CRYBG1: variants seen among roughly 807,000 people sequenced by gnomAD.
The protein encoded by CRYBG1 is crystallin beta-gamma domain containing 1.
CRYBG1 carries 139 observed loss-of-function variants against 189.2 expected under a neutral mutation model. The ratio of observed to expected loss-of-function variants is 0.73; its 90% CI spans 0.64 to 0.85. CRYBG1 has a LOEUF of 0.85. Ranked by LOEUF, CRYBG1 falls within the 40% of genes least tolerant of loss-of-function variation. The pLI is 0.00. For synonymous variants in CRYBG1, 1,023 were observed against 1,017.1 expected, an observed-to-expected ratio of 1.01 and a Z score of -0.11; for missense variants, 2,611 against 2,675.8, an observed-to-expected ratio of 0.98 and a Z score of 0.53.
At position 106,568,683 on chromosome 6, in the gene CRYBG1, A is replaced by G; in HGVS notation, c.*117A>G. On this transcript the variant is annotated 3_prime_UTR_variant, in exon 22 of 22. Transcript: ENST00000633556. ...GATCGACTCCTCCTTCATTGATTCT[A>G]AATTCAACCTTAAATCATGCTGCCA... 2.9e-6 allele frequency: 2 copies of G among 692,338 alleles called. No homozygotes were observed. The highest frequency in any genetic ancestry group is 5.0e-6 in the Non-Finnish European group (2 of 401,632). 42.9% of individuals were successfully genotyped at this position (692,338 alleles called of 1,614,324 possible). A position where few individuals can be genotyped will look rare whatever the true frequency, so the allele number is the denominator to read the frequency against.
chr6:106,541,616 C>T lies in CRYBG1; in HGVS notation c.4876C>T (p.Pro1626Ser). 1.9e-6 allele frequency: 3 copies of T among 1,604,800 alleles called. No homozygotes were observed. In the East Asian group the frequency reaches 6.7e-5, roughly 36 times the overall value. Residue 1626 changes from proline to serine, a missense_variant, in exon 10 of 22, where the codon CCA (proline) becomes TCA (serine). Pro to Ser is a moderately conservative substitution (Grantham distance 74). Coordinates refer to ENST00000633556, the MANE Select transcript of CRYBG1 (RefSeq NM_001371242.2). Reference protein sequence around the residue: ...GGRKVEFPTDPKVVVYEKPFF... With the variant: ...GGRKVEFPTDSKVVVYEKPFF... ...CCGTAAAGTTGAATTCCCTACAGAT[C>T]CAAAGGTAAAAATATATATGTATTT...
chr6:106,509,504 C>T (rs899295423), intron 2 of CRYBG1, among the ~76,000 whole-genome samples: 1 of 152,198 alleles, frequency 6.6e-6, no homozygotes, highest in African/African-American at 2.4e-5. Context: ...TACAAGAGCT[C>T]CGAGCGGCTG....
intron 4 of CRYBG1, among the ~76,000 whole-genome samples, chr6:106,522,401 G>A (rs1036640809): frequency 6.6e-6 from 1 of 152,136 alleles, no homozygotes. Context: ...GGTTTTCATT[G>A]GATCTTTTCT....
chr6:106,425,187 A>G (rs1771203021), intron 1 of CRYBG1, among the ~76,000 whole-genome samples: 1 of 152,122 alleles, frequency 6.6e-6, no homozygotes, highest in Non-Finnish European at 1.5e-5. Flanking sequence ...CATCTTTGCT[A>G]CATTCTAGTC....
At chr6:106,514,998 G>A (rs527530735) in intron 3 of CRYBG1, among the ~76,000 whole-genome samples, 15 of 152,084 alleles carry the variant, frequency 9.9e-5, no homozygotes, top group South Asian at 2.1e-4. Flanking sequence ...TCCTATGACC[G>A]TATCGCAAGA....
intron 1 of CRYBG1, 103 bp from the exon 2 acceptor site, chr6:106,451,591 G>A (rs1304775726): frequency 4.3e-6 from 5 of 1,154,256 alleles, no homozygotes; most frequent in Non-Finnish European, 5.8e-6. Flanking sequence ...TATTTGGGCT[G>A]ACTGGAAATA....
At position 106,520,845 on chromosome 6, in the gene CRYBG1, C is replaced by G. The variant is rs148858033; in HGVS notation, c.3637C>G (p.Pro1213Ala). The G allele has an allele frequency of 1.9e-6, 3 of 1,614,002 alleles. No individual in the cohort carries two copies. Among genetic ancestry groups the G allele is most frequent in the Non-Finnish European group, 2.5e-6 (3 of 1,180,018 alleles). ...CACCAACACTAATGGGAACAGTGAG[C>G]CTCTGGTGATGCCGGAAATCAATGA... ...LHTNTNGNSE[P>A]LVMPEINDKE... The change falls in exon 4 of 22, where the codon CCT (proline) becomes GCT (alanine). Residue 1213 changes from proline to alanine, a missense_variant. Around this residue, in one of 3 missense-constraint regions of CRYBG1, gnomAD observed 1,622 missense variants for 1,735.0 expected, o/e 0.93. Coordinates refer to ENST00000633556, the MANE Select transcript of CRYBG1 (RefSeq NM_001371242.2).
chr6:106,521,638 A>G (rs1296706698), intron 4 of CRYBG1, among the ~76,000 whole-genome samples, 185 bp downstream of exon 4: 1 of 151,614 alleles, frequency 6.6e-6, no homozygotes, highest in African/African-American at 2.4e-5. Flanking sequence ...AAAAAAATGT[A>G]CTAAGAGTCT....
chr6:106,531,308 A>C (rs1373590179), intron 8 of CRYBG1, among the ~76,000 whole-genome samples: 2 of 152,250 alleles, frequency 1.3e-5, no homozygotes, highest in African/African-American at 4.8e-5. Flanking sequence ...GAGAAACTAA[A>C]AACTTCTAGG....
intron 2 of CRYBG1, among the ~76,000 whole-genome samples, chr6:106,459,544 G>A (rs1249144922): frequency 7.6e-6 from 1 of 131,738 alleles, no homozygotes; most frequent in Non-Finnish European, 1.6e-5. Flanking sequence ...TCCATTTGTG[G>A]GTTTTTTTTT....
Position 106,560,912 on chromosome 6 carries a change from C to A in CRYBG1, c.5965C>A (p.Arg1989=). 4 of 1,608,160 alleles carry A rather than the reference C, an allele frequency of 2.5e-6. No homozygotes were observed. The highest frequency in any genetic ancestry group is 3.4e-6 in the Non-Finnish European group (4 of 1,177,394). ...FSGCRQIGSL[R]PFVQKRIYFR... Reference sequence around the variant, plus strand: ...TGGCTGTCGCCAAATAGGTTCTCTACGACCTTTTGTTCAGGTATTTTCTTC... The same window carrying A: ...TGGCTGTCGCCAAATAGGTTCTCTAAGACCTTTTGTTCAGGTATTTTCTTC... The change falls in exon 19 of 22, where the codon CGA becomes AGA. Residue 1989 remains arginine (R), a synonymous_variant. Coordinates refer to ENST00000633556, the MANE Select transcript of CRYBG1 (RefSeq NM_001371242.2).
At chr6:106,539,641 G>T in intron 9 of CRYBG1, 112 bp downstream of exon 9, 2 of 1,204,090 alleles carry the variant, frequency 1.7e-6, no homozygotes, top group Non-Finnish European at 2.3e-6. Flanking sequence ...CAAATTTGTA[G>T]TAGATTGGAC....
rs1474530594 is a variant in CRYBG1 at position 106,512,396 on chromosome 6, TCCA to T, written c.1282_1284del (p.Thr428del). Reference sequence around the variant, plus strand: ...GGGGAGGCGGAGGGGGTCGCAGAAATCCACCGACTCCCCCGGCGCGGACGCCGA... The same window carrying T: ...GGGGAGGCGGAGGGGGTCGCAGAAATCCGACTCCCCCGGCGCGGACGCCGA... On this transcript the variant is annotated inframe_deletion, in exon 3 of 22. Coordinates refer to ENST00000633556, the MANE Select transcript of CRYBG1 (RefSeq NM_001371242.2). 4 of 1,609,280 alleles carry T rather than the reference TCCA, an allele frequency of 2.5e-6. No individual in the cohort carries two copies. The highest frequency in any genetic ancestry group is 3.4e-6 in the Non-Finnish European group (4 of 1,178,532).
chr6:106,559,810 A>T (rs1457049739), intron 18 of CRYBG1, among the ~76,000 whole-genome samples: 1 of 151,876 alleles, frequency 6.6e-6, no homozygotes, highest in Non-Finnish European at 1.5e-5. Flanking sequence ...AAAAAATCAC[A>T]GAAGCTGGGC....
chr6:106,375,869 T>G (rs1325269439), intron 1 of CRYBG1, among the ~76,000 whole-genome samples: 2 of 152,204 alleles, frequency 1.3e-5, no homozygotes, highest in Non-Finnish European at 2.9e-5. Flanking sequence ...TATACTATGT[T>G]TTTTCCTATA....
rs777394668 is a variant in CRYBG1 at position 106,558,632 on chromosome 6, T to C, written c.5855+7T>C. On this transcript the variant is annotated splice_region_variant and intron_variant, in intron 18 of 21. Coordinates refer to ENST00000633556, the MANE Select transcript of CRYBG1 (RefSeq NM_001371242.2). ...TTCAGGTTATTGGTGGCATGTGAGT[T>C]ACCTACTTGTTGACTCAATAAAATA... 6.3e-7 allele frequency: 1 copy of C among 1,594,220 alleles called. No individual in the cohort carries two copies. The highest frequency in any genetic ancestry group is 1.1e-5 in the South Asian group (1 of 87,082).
chr6:106,505,263 T>G (rs1773106318), intron 2 of CRYBG1, among the ~76,000 whole-genome samples: 1 of 151,964 alleles, frequency 6.6e-6, no homozygotes, highest in South Asian at 2.1e-4. Context: ...CCCGGCTAAT[T>G]TTTTGTATTT....
intron 9 of CRYBG1, 101 bp from the exon 10 acceptor site, chr6:106,541,485 T>A: frequency 8.9e-7 from 1 of 1,125,208 alleles, no homozygotes; most frequent in Non-Finnish European, 1.4e-6. Flanking sequence ...CAGAACATAG[T>A]CACACTGAAA....
At chr6:106,458,161 A>T (rs570952315) in intron 2 of CRYBG1, among the ~76,000 whole-genome samples, 140 of 152,334 alleles carry the variant, frequency 9.2e-4, no homozygotes, top group Admixed American at 2.3e-3. Context: ...CTAAAGTTAA[A>T]TTGAAATGGT....
Sources: allele counts gnomAD v4.1 joint callset (sites outside exome capture counted in the v4.1 genomes callset), GRCh38; gene constraint gnomAD v4.1.1; regional missense constraint gnomAD v4.1.1; transcripts MANE v1.5; gene names NCBI Gene and HGNC (gene_info 2026-07-23, HGNC 2026-07-21).